RIMBP2: variants seen among roughly 807,000 people sequenced by gnomAD.
RIMBP2 encodes the protein RIMS-binding protein 2.
Under a neutral mutation model 118.6 loss-of-function variants are expected in RIMBP2, and 48 were observed. The observed-to-expected ratio is 0.40, with a 90% CI of 0.32 to 0.51. The LOEUF is 0.51. RIMBP2 is among the 20% of genes least tolerant of loss of function. The pLI, the probability that RIMBP2 is intolerant of heterozygous loss-of-function variation, is 0.41. For synonymous variants in RIMBP2, 762 were observed against 742.9 expected (o/e 1.03, Z -0.42); for missense variants, 1,551 against 1,768.3 (o/e 0.88, Z 2.20).
At chr12:130,566,025 A>G (rs1237528525) in intron 2 of RIMBP2, among the ~76,000 whole-genome samples, 1 of 152,204 alleles carries the variant, frequency 6.6e-6, no homozygotes, top group East Asian at 1.9e-4. Context: ...GAACTATGCG[A>G]TGGAACTTGT....
chr12:130,583,284 C>T (rs928755227), intron 2 of RIMBP2, among the ~76,000 whole-genome samples: 1 of 152,110 alleles, frequency 6.6e-6, no homozygotes, highest in African/African-American at 2.4e-5. Flanking sequence ...GTGGGATTGT[C>T]AGGAAGATTA....
chr12:130,455,448 TGTCGTGAG>T (rs1233253329), intron 7 of RIMBP2, among the ~76,000 whole-genome samples: 1 of 152,144 alleles, frequency 6.6e-6, no homozygotes, highest in African/African-American at 2.4e-5. Context: ...GCAGCCTGGG[TGTCGTGAG>T]TGCCTGGAGA....
At position 130,543,608 on chromosome 12, in the gene RIMBP2, T is replaced by C. The variant is rs1252259933; in HGVS notation, c.-216-25691A>G. Among the ~76,000 whole-genome samples the C allele has an allele frequency of 3.3e-5, 5 of 152,052 alleles. No homozygotes were observed. The East Asian group carries it at 7.7e-4, about 24-fold the overall frequency. ...AAATATGAAGATGCCTCACGAGGAA[T>C]TGGCCGTAGAGAGTGATGAGGGCCA... On this transcript the variant is annotated intron_variant, in intron 2 of 22. Transcript: ENST00000690449.
At chr12:130,448,308 A>G (rs1333125053) in intron 9 of RIMBP2, among the ~76,000 whole-genome samples, 1 of 152,158 alleles carries the variant, frequency 6.6e-6, no homozygotes, top group Non-Finnish European at 1.5e-5. Flanking sequence ...CATTAGCTCT[A>G]GGGCAGCTCC....
intron 3 of RIMBP2, among the ~76,000 whole-genome samples, chr12:130,516,984 CTGAGA>C (rs1426779845): frequency 6.6e-6 from 1 of 152,084 alleles, no homozygotes; most frequent in Non-Finnish European, 1.5e-5. Flanking sequence ...ACGTCTGGTG[CTGAGA>C]TGAGTGGTTG....
In RIMBP2 at chr12:130,621,489, C is replaced by T. The variant is rs1288854415; in HGVS notation, c.-217+6833G>A. ...AGCTAGAATCTCCTCTCTTCAATTACACCTGTCAAGAGCTCCCGTTTTTGC... is the reference window on the plus strand; with the variant it reads ...AGCTAGAATCTCCTCTCTTCAATTATACCTGTCAAGAGCTCCCGTTTTTGC... On this transcript the variant is annotated intron_variant, in intron 2 of 22. Coordinates refer to ENST00000690449, the MANE Select transcript of RIMBP2 (RefSeq NM_001393629.1). The surrounding 1 kb of genome is among the most constrained non-coding windows in gnomAD (Gnocchi z 6.6). Among the ~76,000 whole-genome samples the T allele has an allele frequency of 6.6e-6, 1 of 152,216 alleles. No individual in the cohort carries two copies. Among genetic ancestry groups the T allele is most frequent in the Non-Finnish European group, 1.5e-5 (1 of 68,048 alleles).
At chr12:130,399,590 A>AAGAT in intron 22 of RIMBP2, 89 bp downstream of exon 22, 9 of 1,471,600 alleles carry the variant, frequency 6.1e-6, no homozygotes, top group South Asian at 1.3e-5. Flanking sequence ...TTTTCGGCCC[A>AAGAT]AGATATAAAA....
intron 4 of RIMBP2, among the ~76,000 whole-genome samples, chr12:130,496,477 T>C (rs949109116): frequency 6.6e-5 from 10 of 152,090 alleles, no homozygotes; most frequent in Non-Finnish European, 4.4e-5. Context: ...CTCACTCCGG[T>C]CTCAGCAGCC....
Position 130,434,873 on chromosome 12 carries a change from T to C in RIMBP2, c.2114A>G (p.Lys705Arg). 1 of 1,604,720 alleles carries C rather than the reference T, an allele frequency of 6.2e-7. No individual in the cohort carries two copies. The highest frequency in any genetic ancestry group is 8.5e-7 in the Non-Finnish European group (1 of 1,175,566). The change falls in exon 14 of 23, where the codon AAA becomes AGA. Residue 705 changes from lysine (K) to arginine (R), a missense_variant. Lys to Arg is a conservative substitution (Grantham distance 26, BLOSUM62 2). Transcript: ENST00000690449. The surrounding 1 kb of genome is among the most constrained non-coding windows in gnomAD (Gnocchi z 5.7). ...QRVAESSRLEKRSVFLERSSA... is the reference protein window; with the variant it reads ...QRVAESSRLERRSVFLERSSA... Reference sequence around the variant, plus strand: ...GCTTCTCTCTAGGAAGACGCTCCTTTTCTCTAACTTGGAAAGAAAAAGGAG... The same window carrying C: ...GCTTCTCTCTAGGAAGACGCTCCTTCTCTCTAACTTGGAAAGAAAAAGGAG...
intron 4 of RIMBP2, among the ~76,000 whole-genome samples, chr12:130,487,362 A>C (rs1275329328): frequency 6.6e-6 from 1 of 152,128 alleles, no homozygotes; most frequent in Admixed American, 6.5e-5. Flanking sequence ...TGCCCTCCCC[A>C]TAGCGATAAG....
At chr12:130,593,099 C>A (rs1318196778) in intron 2 of RIMBP2, among the ~76,000 whole-genome samples, 1 of 152,244 alleles carries the variant, frequency 6.6e-6, no homozygotes, top group Non-Finnish European at 1.5e-5. Flanking sequence ...GGGCCCATTC[C>A]CTCTACGTGG....
Position 130,437,262 on chromosome 12 carries a change from G to A in RIMBP2, c.1686C>T (p.Asp562=). 1 of 1,581,888 alleles carries A rather than the reference G, an allele frequency of 6.3e-7. No individual in the cohort carries two copies. The highest frequency in any genetic ancestry group is 8.5e-7 in the Non-Finnish European group (1 of 1,171,316). The change falls in exon 13 of 23, where the codon GAC becomes GAT. Residue 562 remains aspartate (D), a synonymous_variant. Coordinates refer to ENST00000690449, the MANE Select transcript of RIMBP2 (RefSeq NM_001393629.1). ...GCCGCACAAGCTCCACGGCCGTGCT[G>A]TCTGCCGTGGGGAAGATGACTTCAG... ...RVAEVIFPTA[D]STAVELVRLR...
chr12:130,606,428 G>A (rs993545164), intron 2 of RIMBP2, among the ~76,000 whole-genome samples: 4 of 152,130 alleles, frequency 2.6e-5, no homozygotes, highest in African/African-American at 9.7e-5. Context: ...GGAGTCGCGC[G>A]TCTACACAGC....
At chr12:130,536,280 C>T (rs1283679993) in intron 2 of RIMBP2, among the ~76,000 whole-genome samples, 1 of 152,088 alleles carries the variant, frequency 6.6e-6, no homozygotes, top group Non-Finnish European at 1.5e-5. Context: ...GACATCATCC[C>T]CTGGTTATCC....
chr12:130,635,114 G>A (rs1283304518), intron 1 of RIMBP2, among the ~76,000 whole-genome samples: 4 of 152,204 alleles, frequency 2.6e-5, no homozygotes, highest in African/African-American at 4.8e-5. Flanking sequence ...AGGGTTTCTT[G>A]AGAGTTAAGG....
intron 1 of RIMBP2, among the ~76,000 whole-genome samples, chr12:130,675,088 GAC>G (rs1168148667): frequency 6.6e-6 from 1 of 152,174 alleles, no homozygotes; most frequent in African/African-American, 2.4e-5. Flanking sequence ...TTGATCCAAA[GAC>G]ACAAACTACA....
At chr12:130,572,369 G>A (rs566817666) in intron 2 of RIMBP2, among the ~76,000 whole-genome samples, 2 of 152,268 alleles carry the variant, frequency 1.3e-5, no homozygotes, top group East Asian at 3.9e-4. Context: ...GCAACCAGCA[G>A]TCACAAAAAA....
intron 1 of RIMBP2, among the ~76,000 whole-genome samples, chr12:130,713,252 A>T (rs1380887624): frequency 7.0e-6 from 1 of 143,144 alleles, no homozygotes; most frequent in Non-Finnish European, 1.5e-5. Context: ...GAAGGAAGGA[A>T]GGAAGGAAGG....
chr12:130,656,900 C>T (rs1473310470), intron 1 of RIMBP2, among the ~76,000 whole-genome samples: 2 of 151,868 alleles, frequency 1.3e-5, no homozygotes, highest in Non-Finnish European at 2.9e-5. Context: ...CAGAATGATA[C>T]CCTGTCAAAA....
Sources: gnomAD v4.1 joint callset for allele counts (sites outside exome capture counted in the v4.1 genomes callset) on GRCh38, gnomAD v4.1.1 for gene constraint, Gnocchi (gnomAD v3.1) non-coding constraint, MANE v1.5 for transcripts, NCBI Gene and HGNC (gene_info 2026-07-23, HGNC 2026-07-21) for gene names.